The following DACH2 variants were observed in gnomAD, a reference collection of about 807,000 sequenced individuals.
DACH2 encodes dachshund family transcription factor 2.
A neutral mutation model predicts 35.8 loss-of-function variants in DACH2; 17 were observed. The ratio of observed to expected loss-of-function variants is 0.48; its 90% CI spans 0.33 to 0.71. The LOEUF (loss-of-function observed/expected upper bound fraction) is 0.71, where lower values mean the gene tolerates loss of function less well. Among genes scored for constraint, DACH2 ranks in the 30% least tolerant of loss-of-function variants. DACH2 has a pLI of 0.02. For missense variants in DACH2, 469 were observed against 472.7 expected (o/e 0.99, Z 0.07); for synonymous variants, 195 against 177.3 (o/e 1.10, Z -0.79).
At chrX:86,814,996 G>T (rs1231133891) in intron 10 of DACH2, among the ~76,000 whole-genome samples, 162 bp downstream of exon 10, 3 of 111,932 alleles carry the variant, frequency 2.7e-5, no homozygotes, top group African/African-American at 9.7e-5. Flanking sequence ...TCAATTTGAG[G>T]CCAAGTGTTT....
chrX:86,486,254 C>T (rs1161274955), intron 2 of DACH2, among the ~76,000 whole-genome samples: 1 of 110,870 alleles, frequency 9.0e-6, no homozygotes. Context: ...CTAAGGATCC[C>T]TTTTTTTTCT....
At chrX:86,427,660 T>C (rs1280042682) in intron 2 of DACH2, among the ~76,000 whole-genome samples, 1 of 111,689 alleles carries the variant, frequency 9.0e-6, no homozygotes, top group East Asian at 2.8e-4. Context: ...AAAAGAATTC[T>C]TTTAACCAAA....
intron 1 of DACH2, among the ~76,000 whole-genome samples, chrX:86,265,158 T>C (rs2033690249): frequency 8.9e-6 from 1 of 112,052 alleles, no homozygotes; most frequent in Admixed American, 9.5e-5. Context: ...TTCTATGGTT[T>C]AATAGAAGCT....
rs1014997530 is a variant in DACH2 at position 86,739,728 on chromosome X, G to A, written c.1105-19G>A. ...TGGCGCATAGATGACATTTCCTTTT[G>A]TGTTTCCTTTTGTGTCAGGAGCGGA... On this transcript the variant is annotated intron_variant, in intron 6 of 11. Transcript: ENST00000373125. The A allele has an allele frequency of 8.6e-7, 1 of 1,165,428 alleles. No homozygotes were observed.
intron 1 of DACH2, among the ~76,000 whole-genome samples, chrX:86,345,103 C>CT (rs1407297945): frequency 2.7e-5 from 3 of 111,622 alleles, no homozygotes; most frequent in Non-Finnish European, 3.8e-5. Context: ...TAAGATTTCT[C>CT]TTTTTTTCCC....
At chrX:86,376,151 A>ATGTGTGTGTG (rs57467884) in intron 1 of DACH2, among the ~76,000 whole-genome samples, 3 of 95,791 alleles carry the variant, frequency 3.1e-5, no homozygotes. Context: ...GTGTGTGTGT[A>ATGTGTGTGTG]TGTGTGTGTG....
intron 2 of DACH2, among the ~76,000 whole-genome samples, chrX:86,502,625 CTCCTCTTGCCTT>C (rs1320493000): frequency 1.8e-5 from 2 of 111,832 alleles, no homozygotes; most frequent in Admixed American, 1.9e-4. Flanking sequence ...GTATTTTTAT[CTCCTCTTGCCTT>C]CAGGGAATGT....
At chrX:86,243,486 G>GAGAT (rs1286759461) in intron 1 of DACH2, among the ~76,000 whole-genome samples, 2 of 111,753 alleles carry the variant, frequency 1.8e-5, no homozygotes, top group African/African-American at 6.5e-5. Context: ...TCATAGTGAA[G>GAGAT]AGATAGTTTC....
intron 1 of DACH2, among the ~76,000 whole-genome samples, chrX:86,249,369 C>T (rs1048493462): frequency 9.0e-6 from 1 of 110,567 alleles, no homozygotes; most frequent in African/African-American, 3.3e-5. Flanking sequence ...AAAAGAAACA[C>T]CCTATTGAAA....
At chrX:86,607,373 G>A (rs2039872150) in intron 3 of DACH2, among the ~76,000 whole-genome samples, 2 of 110,637 alleles carry the variant, frequency 1.8e-5, no homozygotes, top group African/African-American at 3.3e-5. Flanking sequence ...TTTGGTTTGA[G>A]TTTACCATGA....
intron 2 of DACH2, among the ~76,000 whole-genome samples, chrX:86,399,021 A>C (rs1430162142): frequency 9.0e-6 from 1 of 111,331 alleles, no homozygotes; most frequent in Non-Finnish European, 1.9e-5. Flanking sequence ...TGGGAGTCTA[A>C]GTCTCTTTGT....
In DACH2 at chrX:86,435,818, G is replaced by A. The variant is rs867916228; in HGVS notation, c.527+58956G>A. The stretch of plus-strand genomic sequence containing the variant: ...TGTGCATTCATTTGTAAGGCAATCC[G>A]TCTCCCCTTTTTACAAATAAATGGC... On this transcript the variant is annotated intron_variant, in intron 2 of 11. Transcript: ENST00000373125. Among the ~76,000 whole-genome samples the A allele has an allele frequency of 7.2e-5, 8 of 111,526 alleles. No individual in the cohort carries two copies. The East Asian group carries it at 8.5e-4, about 12-fold the overall frequency.
At chrX:86,408,381 A>AT (rs1298560060) in intron 2 of DACH2, among the ~76,000 whole-genome samples, 2 of 111,526 alleles carry the variant, frequency 1.8e-5, no homozygotes, top group Non-Finnish European at 3.8e-5. Context: ...GTTGTGGAAG[A>AT]TTTTTTGCCA....
intron 3 of DACH2, among the ~76,000 whole-genome samples, chrX:86,639,464 T>C (rs1462777433): frequency 9.0e-6 from 1 of 111,393 alleles, no homozygotes; most frequent in African/African-American, 3.3e-5. Context: ...CTTAAATACT[T>C]GGGCTTACTG....
intron 1 of DACH2, among the ~76,000 whole-genome samples, chrX:86,285,513 G>A (rs1223807748): frequency 3.6e-5 from 4 of 111,782 alleles, no homozygotes; most frequent in African/African-American, 1.3e-4. Context: ...GTTTCATTGT[G>A]TTCAGAGAAG....
intron 1 of DACH2, among the ~76,000 whole-genome samples, chrX:86,219,577 CACA>C (rs1439445470): frequency 1.8e-5 from 2 of 111,354 alleles, no homozygotes; most frequent in African/African-American, 3.3e-5. Flanking sequence ...AATTATTTAA[CACA>C]ACATTTTATT....
intron 6 of DACH2, among the ~76,000 whole-genome samples, chrX:86,719,441 C>G (rs767735258): frequency 8.1e-5 from 9 of 111,744 alleles, no homozygotes; most frequent in Non-Finnish European, 1.5e-4. Flanking sequence ...AATTTGGATG[C>G]CTTTTATTTC....
At chrX:86,599,561 A>G (rs2039763624) in intron 3 of DACH2, among the ~76,000 whole-genome samples, 1 of 102,134 alleles carries the variant, frequency 9.8e-6, no homozygotes, top group Non-Finnish European at 2.0e-5. Flanking sequence ...CAGTGGCACA[A>G]TCTTGGCTCA....
At chrX:86,395,118 C>T (rs111244944) in intron 2 of DACH2, among the ~76,000 whole-genome samples, 2,660 of 111,087 alleles carry the variant, frequency 0.024, 90 homozygotes, top group African/African-American at 0.082. Context: ...GTATCATAAA[C>T]GAATCTTAAC....
Sources: gnomAD v4.1 joint callset for allele counts (sites outside exome capture counted in the v4.1 genomes callset) on GRCh38, gnomAD v4.1.1 for gene constraint, MANE v1.5 for transcripts, NCBI Gene and HGNC (gene_info 2026-07-23, HGNC 2026-07-21) for gene names.